The following YWHAB variants were observed in gnomAD, a reference collection of about 807,000 sequenced individuals.
The protein encoded by YWHAB is tyrosine 3-monooxygenase/tryptophan 5-monooxygenase activation protein beta.
YWHAB carries 2 observed loss-of-function variants against 28.5 expected under a neutral mutation model. The ratio of observed to expected loss-of-function variants is 0.07; its 90% CI spans 0.03 to 0.22. The LOEUF (loss-of-function observed/expected upper bound fraction) is 0.22. YWHAB is among the 10% of genes least tolerant of loss of function. The pLI is 1.00. For synonymous variants in YWHAB, 103 were observed against 104.7 expected, an observed-to-expected ratio of 0.98 and a Z score of 0.10; for missense variants, 148 against 297.1, an observed-to-expected ratio of 0.50 and a Z score of 3.69.
At chr20:44,886,577 A>G (rs2066529376) in intron 1 of YWHAB, 2 of 152,010 alleles carry the variant, frequency 1.3e-5, no homozygotes. Flanking sequence ...GAATCGGAGT[A>G]TTTTCTCACA....
In YWHAB at chr20:44,885,852, TC is replaced by T. The variant is rs1260710197; in HGVS notation, c.-37del. On this transcript the variant is annotated 5_prime_UTR_variant, in exon 1 of 6. Coordinates refer to ENST00000353703, the MANE Select transcript of YWHAB (RefSeq NM_139323.4). Reference sequence around the variant, plus strand: ...GAGGTCATCTCGCTCGGAGCTTCGCTCGGAAGGGTCTTTGTTCCCTGCAGCC... The same window carrying T: ...GAGGTCATCTCGCTCGGAGCTTCGCTGGAAGGGTCTTTGTTCCCTGCAGCC... 1 of 154,680 alleles carries T rather than the reference TC, an allele frequency of 6.5e-6. No homozygotes were observed. The highest frequency in any genetic ancestry group is 2.4e-5 in the African/African-American group (1 of 41,432). The allele number at this position is 154,680 out of a possible 1,614,324, so 9.6% of individuals were successfully genotyped here.
At chr20:44,896,641 C>T (rs773207615) in intron 1 of YWHAB, among the ~76,000 whole-genome samples, 1 of 152,192 alleles carries the variant, frequency 6.6e-6, no homozygotes, top group Non-Finnish European at 1.5e-5. Flanking sequence ...GAAAATGGGT[C>T]TTACAGCAAA....
intron 1 of YWHAB, among the ~76,000 whole-genome samples, chr20:44,895,983 C>A (rs1176787512): frequency 6.6e-6 from 1 of 152,118 alleles, no homozygotes; most frequent in African/African-American, 2.4e-5. Flanking sequence ...GTACAGGATG[C>A]TGTGGGAGAT....
chr20:44,887,515 G>A (rs2239535), intron 1 of YWHAB: 45,234 of 152,084 alleles, frequency 0.3, 7,867 homozygotes, highest in African/African-American at 0.48. Flanking sequence ...CGCCTACCCT[G>A]TAATCTTTTG....
At chr20:44,904,330 G>A (rs927583161) in intron 3 of YWHAB, among the ~76,000 whole-genome samples, 2 of 152,130 alleles carry the variant, frequency 1.3e-5, no homozygotes, top group African/African-American at 4.8e-5. Flanking sequence ...AACCTGGTGC[G>A]CAGTGTATTT....
intron 1 of YWHAB, among the ~76,000 whole-genome samples, chr20:44,898,960 T>C (rs149800286): frequency 2.0e-5 from 3 of 147,726 alleles, no homozygotes; most frequent in African/African-American, 7.5e-5. Context: ...CTACTAAAAA[T>C]ACAAAATCAG....
intron 1 of YWHAB, chr20:44,886,546 G>A (rs2066529063): frequency 6.6e-6 from 1 of 152,166 alleles, no homozygotes; most frequent in African/African-American, 2.4e-5. Flanking sequence ...CGGATCCCCA[G>A]GAAAAAATAT....
In YWHAB at chr20:44,906,246, C is replaced by T. The variant is rs1601099823; in HGVS notation, c.685-136C>T. ...TATAAATGACTGCTGAAGTTTTGACCTTTGCAATCATCCCTGTCTGCAGTG... is the reference window on the plus strand; with the variant it reads ...TATAAATGACTGCTGAAGTTTTGACTTTTGCAATCATCCCTGTCTGCAGTG... On this transcript the variant is annotated intron_variant, in intron 5 of 5. Coordinates refer to ENST00000353703, the MANE Select transcript of YWHAB (RefSeq NM_139323.4). 4 of 1,152,912 alleles carry T rather than the reference C, an allele frequency of 3.5e-6. No homozygotes were observed. In the African/African-American group the frequency reaches 4.6e-5, roughly 13 times the overall value. 71.4% of individuals were successfully genotyped at this position (1,152,912 alleles called of 1,614,324 possible). A position where few individuals can be genotyped will look rare whatever the true frequency, so the allele number is the denominator to read the frequency against.
At chr20:44,890,996 T>A (rs2066558218) in intron 1 of YWHAB, among the ~76,000 whole-genome samples, 1 of 152,240 alleles carries the variant, frequency 6.6e-6, no homozygotes, top group Non-Finnish European at 1.5e-5. Context: ...TTCCCTTCAC[T>A]GGCTGACCAT....
At chr20:44,886,479 G>A (rs963275376) in intron 1 of YWHAB, 73 of 152,350 alleles carry the variant, frequency 4.8e-4, no homozygotes, top group African/African-American at 1.7e-3. Context: ...TCCCTAGGAA[G>A]GGAATTGGGT....
At position 44,906,526 on chromosome 20, in the gene YWHAB, A is replaced by AG. The variant is rs2066657741; in HGVS notation, c.*88_*89insG. On this transcript the variant is annotated 3_prime_UTR_variant, in exon 6 of 6. Coordinates refer to ENST00000353703, the MANE Select transcript of YWHAB (RefSeq NM_139323.4). ...CGATAAAAAAAAAAAAAAAAAAAAA[A>AG]AGAGAATCGTACGTCGACTTTCGAT... The AG allele has an allele frequency of 6.5e-6, 4 of 613,706 alleles. No individual in the cohort carries two copies. The highest frequency in any genetic ancestry group is 9.3e-6 in the Non-Finnish European group (4 of 431,104). 38.0% of individuals were successfully genotyped at this position (613,706 alleles called of 1,614,324 possible). A position where few individuals can be genotyped will look rare whatever the true frequency, so the allele number is the denominator to read the frequency against.
At chr20:44,893,517 G>C (rs180996180) in intron 1 of YWHAB, among the ~76,000 whole-genome samples, 1 of 152,028 alleles carries the variant, frequency 6.6e-6, no homozygotes, top group Non-Finnish European at 1.5e-5. Flanking sequence ...TAACCATTTG[G>C]TGTAACCTTT....
chr20:44,892,669 C>A (rs1329514833), intron 1 of YWHAB, among the ~76,000 whole-genome samples: 1 of 152,074 alleles, frequency 6.6e-6, no homozygotes, highest in African/African-American at 2.4e-5. Context: ...GGCTTATGAG[C>A]CTTTACTCTA....
At chr20:44,899,302 A>G (rs1568931602) in intron 1 of YWHAB, among the ~76,000 whole-genome samples, 1 of 152,228 alleles carries the variant, frequency 6.6e-6, no homozygotes, top group Non-Finnish European at 1.5e-5. Context: ...AAAAATGGCA[A>G]AATCCCATCT....
At chr20:44,902,145 C>G (rs1275636478) in intron 2 of YWHAB, 2 of 254,504 alleles carry the variant, frequency 7.9e-6, no homozygotes, top group Non-Finnish European at 1.5e-5. Flanking sequence ...ATAGATACAG[C>G]TACAGATAGG....
chr20:44,906,714 T>G lies in YWHAB; in HGVS notation c.*276T>G, dbSNP rs1255352486. 1 of 238,876 alleles carries G rather than the reference T, an allele frequency of 4.2e-6. No homozygotes were observed. Among genetic ancestry groups the G allele is most frequent in the Non-Finnish European group, 8.3e-6 (1 of 120,950 alleles). The allele number at this position is 238,876 out of a possible 1,614,324, so 14.8% of individuals were successfully genotyped here. The stretch of plus-strand genomic sequence containing the variant: ...GTTTAATTTTTTAAAAACTGAACAC[T>G]GTGATTATGGGGTTTTGTAATTTAG... On this transcript the variant is annotated 3_prime_UTR_variant, in exon 6 of 6. Transcript: ENST00000353703.
In YWHAB at chr20:44,906,503, A is replaced by AT. The variant is rs1491336736; in HGVS notation, c.*66dup. On this transcript the variant is annotated 3_prime_UTR_variant, in exon 6 of 6. Coordinates refer to ENST00000353703, the MANE Select transcript of YWHAB (RefSeq NM_139323.4). ...ACCCTCAACATATATCCCTTGTGCG[A>AT]TAAAAAAAAAAAAAAAAAAAAAAAG... 4.4e-5 allele frequency: 26 copies of AT among 588,210 alleles called. No homozygotes were observed. The highest frequency in any genetic ancestry group is 1.5e-4 in the South Asian group (3 of 19,694). The allele number at this position is 588,210 out of a possible 1,614,324, so 36.4% of individuals were successfully genotyped here.
chr20:44,886,547 G>A (rs1475665093), intron 1 of YWHAB: 2 of 152,126 alleles, frequency 1.3e-5, no homozygotes, highest in African/African-American at 4.8e-5. Context: ...GGATCCCCAG[G>A]AAAAAATATC....
chr20:44,886,881 A>G (rs542943361), intron 1 of YWHAB: 1 of 152,348 alleles, frequency 6.6e-6, no homozygotes, highest in African/African-American at 2.4e-5. Context: ...AAGGCTAGAT[A>G]GCATCAGGTC....
Sources: gnomAD v4.1 joint callset for allele counts (sites outside exome capture counted in the v4.1 genomes callset) on GRCh38, gnomAD v4.1.1 for gene constraint, MANE v1.5 for transcripts, NCBI Gene and HGNC (gene_info 2026-07-23, HGNC 2026-07-21) for gene names.